The following CADPS variants were observed in gnomAD, a reference collection of about 807,000 sequenced individuals.
CADPS encodes the protein calcium-dependent secretion activator 1.
A neutral mutation model predicts 167.3 loss-of-function variants in CADPS; 57 were observed. The ratio of observed to expected loss-of-function variants is 0.34; its 90% CI spans 0.28 to 0.42. CADPS has a LOEUF of 0.42. Ranked by LOEUF, CADPS falls within the 20% of genes least tolerant of loss-of-function variation. The pLI, the probability that CADPS is intolerant of heterozygous loss-of-function variation, is 1.00. For missense variants in CADPS, 1,414 were observed against 1,738.1 expected (o/e 0.81, Z 3.32); for synonymous variants, 676 against 635.3 (o/e 1.06, Z -0.96).
intron 4 of CADPS, among the ~76,000 whole-genome samples, chr3:62,659,108 G>A (rs957023002): frequency 5.1e-4 from 77 of 152,182 alleles, no homozygotes; most frequent in African/African-American, 1.8e-3. Context: ...TTCAGAGAAC[G>A]GAGTGAGTTA....
intron 26 of CADPS, among the ~76,000 whole-genome samples, chr3:62,460,702 C>G (rs192001207): frequency 6.6e-6 from 1 of 152,318 alleles, no homozygotes; most frequent in African/African-American, 2.4e-5. Flanking sequence ...TTTACACAAA[C>G]GTCTCGCAAA....
intron 6 of CADPS, among the ~76,000 whole-genome samples, chr3:62,614,817 T>C (rs563836127): frequency 3.9e-5 from 6 of 152,220 alleles, no homozygotes; most frequent in Non-Finnish European, 7.3e-5. Flanking sequence ...AAACCAGATA[T>C]ATGCAGATCA....
intron 28 of CADPS, among the ~76,000 whole-genome samples, chr3:62,416,059 T>A (rs1212540326): frequency 6.6e-6 from 1 of 152,162 alleles, no homozygotes; most frequent in Admixed American, 6.6e-5. Context: ...GTTTTCTAGG[T>A]CAGAGCTTCC....
At position 62,695,498 on chromosome 3, in the gene CADPS, A is replaced by C. The variant is rs186807324; in HGVS notation, c.889-33104T>G. Among the ~76,000 whole-genome samples the C allele has an allele frequency of 5.2e-4, 79 of 152,170 alleles. No homozygotes were observed. The East Asian group carries it at 0.013, about 25-fold the overall frequency. ...ATAAACTGAGTCTGACACCTTAAAG[A>C]TCTGAAAGAAACATTTACCTGACTA... On this transcript the variant is annotated intron_variant, in intron 3 of 29. Coordinates refer to ENST00000383710, the MANE Select transcript of CADPS (RefSeq NM_003716.4).
Position 62,544,984 on chromosome 3 carries a change from C to A in CADPS, c.1966+4919G>T. On this transcript the variant is annotated intron_variant, in intron 11 of 29. Coordinates refer to ENST00000383710, the MANE Select transcript of CADPS (RefSeq NM_003716.4). This position sits in a 1 kb window ranked among gnomAD's most constrained non-coding sequence, Gnocchi z 4.4. The stretch of plus-strand genomic sequence containing the variant: ...TTCTTGGGTTCGAGCAAAGATTGAA[C>A]AAGAAAACTTAAACAAAACAAAACA... 1 of 343,254 alleles carries A rather than the reference C, an allele frequency of 2.9e-6. No individual in the cohort carries two copies. Among genetic ancestry groups the A allele is most frequent in the South Asian group, 5.6e-5 (1 of 17,982 alleles). The allele number at this position is 343,254 out of a possible 1,614,324, so 21.3% of individuals were successfully genotyped here. A position where few individuals can be genotyped will look rare whatever the true frequency, so the allele number is the denominator to read the frequency against.
chr3:62,700,080 T>C (rs2081116839), intron 3 of CADPS, among the ~76,000 whole-genome samples: 1 of 152,152 alleles, frequency 6.6e-6, no homozygotes, highest in South Asian at 2.1e-4. Context: ...TACCATGCTA[T>C]GGATCTAAGA....
intron 8 of CADPS, among the ~76,000 whole-genome samples, chr3:62,577,390 T>C (rs1467902545): frequency 6.6e-6 from 1 of 152,160 alleles, no homozygotes; most frequent in Non-Finnish European, 1.5e-5. Flanking sequence ...TCAGAAATTC[T>C]TCATAAAAAT....
At chr3:62,659,204 C>T (rs1563470512) in intron 4 of CADPS, among the ~76,000 whole-genome samples, 1 of 152,118 alleles carries the variant, frequency 6.6e-6, no homozygotes. Context: ...TTGAATTGCA[C>T]ATCCTCACGA....
intron 6 of CADPS, among the ~76,000 whole-genome samples, chr3:62,596,758 T>TTA (rs2059001456): frequency 6.6e-6 from 1 of 152,168 alleles, no homozygotes; most frequent in African/African-American, 2.4e-5. Context: ...TATCAAGCAC[T>TTA]TACTAAGTAA....
At chr3:62,400,792 G>T (rs1191775464) in intron 29 of CADPS, among the ~76,000 whole-genome samples, 6 of 151,836 alleles carry the variant, frequency 4.0e-5, no homozygotes, top group Admixed American at 3.9e-4. Context: ...TAGAGACAGG[G>T]TTTCACCATG....
chr3:62,870,311 T>C (rs551482958), intron 1 of CADPS, among the ~76,000 whole-genome samples: 1 of 152,234 alleles, frequency 6.6e-6, no homozygotes, highest in East Asian at 1.9e-4. Context: ...CCTTAAGAAT[T>C]TTGAGTAGAC....
At chr3:62,555,624 A>G (rs1453986522) in intron 10 of CADPS, among the ~76,000 whole-genome samples, 3 of 152,300 alleles carry the variant, frequency 2.0e-5, no homozygotes, top group Non-Finnish European at 4.4e-5. Context: ...ATACAATCAC[A>G]TGGGGGGAAA....
At chr3:62,485,101 T>C (rs1330757110) in intron 21 of CADPS, among the ~76,000 whole-genome samples, 2 of 152,158 alleles carry the variant, frequency 1.3e-5, no homozygotes, top group African/African-American at 2.4e-5. Flanking sequence ...AATATCTGTT[T>C]ATGTATTATA....
chr3:62,819,028 G>A (rs1257187676), intron 1 of CADPS, among the ~76,000 whole-genome samples: 1 of 152,136 alleles, frequency 6.6e-6, no homozygotes, highest in African/African-American at 2.4e-5. Flanking sequence ...TGGTGGTGGA[G>A]GTGGGTGGGC....
At chr3:62,774,810 G>A (rs1266615115) in intron 1 of CADPS, among the ~76,000 whole-genome samples, 1 of 152,140 alleles carries the variant, frequency 6.6e-6, no homozygotes, top group Non-Finnish European at 1.5e-5. Flanking sequence ...CCTACAGATA[G>A]GTTGTTGGAA....
chr3:62,583,976 C>G (rs1451613407), intron 8 of CADPS, among the ~76,000 whole-genome samples: 1 of 151,566 alleles, frequency 6.6e-6, no homozygotes, highest in Non-Finnish European at 1.5e-5. Flanking sequence ...TGTGAATTCC[C>G]CAAACCTCTA....
chr3:62,802,113 C>A (rs1379064086), intron 1 of CADPS, among the ~76,000 whole-genome samples: 1 of 152,096 alleles, frequency 6.6e-6, no homozygotes, highest in Non-Finnish European at 1.5e-5. Context: ...TAATATATAT[C>A]AGTGGAACAT....
At chr3:62,647,327 C>T (rs1024831879) in intron 5 of CADPS, among the ~76,000 whole-genome samples, 1 of 152,154 alleles carries the variant, frequency 6.6e-6, no homozygotes, top group Admixed American at 6.5e-5. Flanking sequence ...GGTTCTCAAA[C>T]TTAATGTGAA....
chr3:62,442,055 C>T (rs1295777947), intron 27 of CADPS, among the ~76,000 whole-genome samples: 1 of 151,618 alleles, frequency 6.6e-6, no homozygotes, highest in Non-Finnish European at 1.5e-5. Flanking sequence ...AATTATGTGC[C>T]CATTAAAAAA....
Sources: gnomAD v4.1 joint callset for allele counts (sites outside exome capture counted in the v4.1 genomes callset) on GRCh38, gnomAD v4.1.1 for gene constraint, Gnocchi (gnomAD v3.1) non-coding constraint, MANE v1.5 for transcripts, NCBI Gene and HGNC (gene_info 2026-07-23, HGNC 2026-07-21) for gene names.